Variants in CTNND2 observed in about 807,000 individuals in gnomAD.
CTNND2 encodes catenin delta-2.
CTNND2 carries 22 observed loss-of-function variants against 144.4 expected under a neutral mutation model. The ratio of observed to expected loss-of-function variants is 0.15; its 90% CI spans 0.11 to 0.22. The LOEUF (loss-of-function observed/expected upper bound fraction) is 0.22. Among genes scored for constraint, CTNND2 ranks in the 10% least tolerant of loss-of-function variants. The probability of loss-of-function intolerance (pLI) is 1.00; values close to 1 mark genes in which losing one functional copy is unlikely to be tolerated. For missense variants in CTNND2, 1,353 were observed against 1,618.8 expected, an observed-to-expected ratio of 0.84 and a Z score of 2.82; for synonymous variants, 751 against 695.6, an observed-to-expected ratio of 1.08 and a Z score of -1.25.
intron 13 of CTNND2, among the ~76,000 whole-genome samples, chr5:11,116,534 G>A (rs1753565158): frequency 6.6e-6 from 1 of 152,182 alleles, no homozygotes; most frequent in Admixed American, 6.5e-5. Context: ...ACATATGAAT[G>A]AATCAAACTT....
rs930634042 is a variant in CTNND2 at position 11,833,973 on chromosome 5, A to C, written c.37+69844T>G. On this transcript the variant is annotated intron_variant, in intron 1 of 21. Coordinates refer to ENST00000304623, the MANE Select transcript of CTNND2 (RefSeq NM_001332.4). ...ATATATCCTGAAACAAAATTGAATT[A>C]AAAAATGTTAATCATATGACTGAGA... Among the ~76,000 whole-genome samples, 27 of 152,340 alleles carry C rather than the reference A, an allele frequency of 1.8e-4. No individual in the cohort carries two copies. The South Asian group carries it at 3.5e-3, about 20-fold the overall frequency.
chr5:11,494,875 T>A (rs1252731534), intron 3 of CTNND2, among the ~76,000 whole-genome samples: 2 of 152,186 alleles, frequency 1.3e-5, no homozygotes, highest in East Asian at 1.9e-4. Flanking sequence ...CCACGAAAGA[T>A]CACTTATACT....
Position 11,876,345 on chromosome 5 carries a change from AAAGAG to A in CTNND2, c.37+27467_37+27471del, listed in dbSNP as rs149676665. Among the ~76,000 whole-genome samples, 989 of 152,030 alleles carry A rather than the reference AAAGAG, an allele frequency of 6.5e-3. 12 individuals are homozygous for A. The highest frequency in any genetic ancestry group is 0.023 in the African/African-American group (952 of 41,478). ...AGAGAAGAGAGGAGAAGAGAAAAGAAAAGAGAAAAGAACGAAAAAGGAAAAAAGAT... is the reference window on the plus strand; with the variant it reads ...AGAGAAGAGAGGAGAAGAGAAAAGAAAAAAGAACGAAAAAGGAAAAAAGAT... On this transcript the variant is annotated intron_variant, in intron 1 of 21. Transcript: ENST00000304623.
intron 2 of CTNND2, among the ~76,000 whole-genome samples, chr5:11,573,771 G>C (rs1021612251): frequency 6.6e-6 from 1 of 152,100 alleles, no homozygotes; most frequent in Non-Finnish European, 1.5e-5. Flanking sequence ...CACCTTTCCA[G>C]AACACATTCA....
intron 8 of CTNND2, among the ~76,000 whole-genome samples, chr5:11,351,797 AT>A (rs1170412560): frequency 2.4e-4 from 36 of 152,346 alleles, no homozygotes; most frequent in African/African-American, 8.4e-4. Flanking sequence ...ATATGAAAAC[AT>A]TAAGCACATT....
At chr5:11,591,422 A>T (rs1260218956) in intron 2 of CTNND2, among the ~76,000 whole-genome samples, 1 of 152,136 alleles carries the variant, frequency 6.6e-6, no homozygotes, top group Non-Finnish European at 1.5e-5. Flanking sequence ...GCTCCTAGTT[A>T]TCTCTCTTCT....
intron 1 of CTNND2, among the ~76,000 whole-genome samples, chr5:11,840,187 C>T (rs535578379): frequency 3.0e-4 from 46 of 152,234 alleles, no homozygotes; most frequent in African/African-American, 1.0e-3. Flanking sequence ...CCACACACAA[C>T]CTATAAAAAT....
chr5:11,433,799 A>G (rs1400412049), intron 3 of CTNND2, among the ~76,000 whole-genome samples: 2 of 152,198 alleles, frequency 1.3e-5, no homozygotes, highest in East Asian at 3.9e-4. Context: ...GGGAATTGCA[A>G]TTCAACATGA....
At chr5:11,342,196 G>C (rs1754345120) in intron 9 of CTNND2, among the ~76,000 whole-genome samples, 1 of 152,130 alleles carries the variant, frequency 6.6e-6, no homozygotes, top group Non-Finnish European at 1.5e-5. Context: ...ATATTTATAA[G>C]TAATATTCAT....
At chr5:11,427,441 C>T (rs1762881462) in intron 3 of CTNND2, among the ~76,000 whole-genome samples, 1 of 151,816 alleles carries the variant, frequency 6.6e-6, no homozygotes, top group East Asian at 1.9e-4. Flanking sequence ...CCATGCCCGG[C>T]TAATTTTTTT....
intron 16 of CTNND2, among the ~76,000 whole-genome samples, chr5:11,035,582 G>A (rs1743981587): frequency 6.6e-6 from 1 of 152,198 alleles, no homozygotes; most frequent in Non-Finnish European, 1.5e-5. Context: ...ACAGGTCTGG[G>A]GGAATAGGCT....
chr5:11,008,545 T>C (rs892980634), intron 18 of CTNND2, among the ~76,000 whole-genome samples: 1 of 152,090 alleles, frequency 6.6e-6, no homozygotes, highest in African/African-American at 2.4e-5. Context: ...ATACTGATGA[T>C]AAGGTAGTAT....
intron 16 of CTNND2, among the ~76,000 whole-genome samples, chr5:11,044,190 T>G (rs759279754): frequency 2.0e-4 from 30 of 152,166 alleles, no homozygotes; most frequent in Non-Finnish European, 4.1e-4. Flanking sequence ...TTCCTAGCAG[T>G]GTCACCTTCT....
intron 16 of CTNND2, among the ~76,000 whole-genome samples, chr5:11,030,432 CT>C (rs1298495974): frequency 3.3e-5 from 5 of 150,576 alleles, no homozygotes; most frequent in Non-Finnish European, 7.4e-5. Flanking sequence ...TTTCTTCGAT[CT>C]TTTTTCTTTC....
In CTNND2 at chr5:11,384,657, G is replaced by A; in HGVS notation, c.1177+8C>T. On this transcript the variant is annotated splice_region_variant and intron_variant, in intron 7 of 21. Coordinates refer to ENST00000304623, the MANE Select transcript of CTNND2 (RefSeq NM_001332.4). This position sits in a 1 kb window ranked among gnomAD's most constrained non-coding sequence, Gnocchi z 5.2. ...GGTGAGTCGCGCCAGGTGGCAGCGAGCCTTTACCTGCCAGGCTGCCCGGCC... is the reference window on the plus strand; with the variant it reads ...GGTGAGTCGCGCCAGGTGGCAGCGAACCTTTACCTGCCAGGCTGCCCGGCC... 2 of 1,595,324 alleles carry A rather than the reference G, an allele frequency of 1.3e-6. No homozygotes were observed. Among genetic ancestry groups the A allele is most frequent in the African/African-American group, 1.3e-5 (1 of 74,714 alleles).
chr5:11,564,869 G>A (rs1776951410), intron 3 of CTNND2, 75 bp downstream of exon 3: 1 of 985,738 alleles, frequency 1.0e-6, no homozygotes, highest in South Asian at 1.5e-5. Context: ...CACCGGGTTG[G>A]AAAGAAGAGA....
At chr5:11,717,978 T>C (rs1187551063) in intron 2 of CTNND2, among the ~76,000 whole-genome samples, 2 of 152,190 alleles carry the variant, frequency 1.3e-5, no homozygotes, top group South Asian at 4.1e-4. Context: ...ATAAAATAGC[T>C]TTATTGACTT....
At chr5:11,543,507 G>T (rs1282599878) in intron 3 of CTNND2, among the ~76,000 whole-genome samples, 4 of 152,088 alleles carry the variant, frequency 2.6e-5, no homozygotes, top group African/African-American at 9.7e-5. Flanking sequence ...CACACTCATT[G>T]ATAATACAAT....
In CTNND2 at chr5:11,384,570, C is replaced by G. The variant is rs1001150779; in HGVS notation, c.1177+95G>C. ...GCAACTACTACAACCTGGCAGACAG[C>G]GCGCCCGGCTTCGCTTCTGCTCAAG... On this transcript the variant is annotated intron_variant, in intron 7 of 21. Coordinates refer to ENST00000304623, the MANE Select transcript of CTNND2 (RefSeq NM_001332.4). The surrounding 1 kb of genome is among the most constrained non-coding windows in gnomAD (Gnocchi z 5.2). The G allele has an allele frequency of 1.7e-6, 2 of 1,187,698 alleles. No individual in the cohort carries two copies. The highest frequency in any genetic ancestry group is 5.1e-5 in the East Asian group (2 of 38,884). The allele number at this position is 1,187,698 out of a possible 1,614,324, so 73.6% of individuals were successfully genotyped here.
Sources: gnomAD v4.1 joint callset for allele counts (sites outside exome capture counted in the v4.1 genomes callset) on GRCh38, gnomAD v4.1.1 for gene constraint, Gnocchi (gnomAD v3.1) non-coding constraint, MANE v1.5 for transcripts, NCBI Gene and HGNC (gene_info 2026-07-23, HGNC 2026-07-21) for gene names.